SAMD12: variants seen among roughly 807,000 people sequenced by gnomAD.
SAMD12 encodes sterile alpha motif domain containing 12, also known as sterile alpha motif domain-containing protein 12.
In SAMD12, 9 loss-of-function variants were observed where a neutral mutation model predicts 15.0. That is an observed-to-expected ratio of 0.60 (90% CI 0.36 to 1.05). SAMD12 has a LOEUF of 1.05. SAMD12 is among the 50% of genes least tolerant of loss of function. The pLI is 0.01. For missense variants in SAMD12, 230 were observed against 234.2 expected, an observed-to-expected ratio of 0.98 and a Z score of 0.12; for synonymous variants, 86 against 90.1, an observed-to-expected ratio of 0.96 and a Z score of 0.25.
rs56758435 is a variant in SAMD12 at position 118,263,674 on chromosome 8, G to T, written c.434-65942C>A. On this transcript the variant is annotated intron_variant, in intron 4 of 4. Coordinates refer to the SAMD12 transcript ENST00000409003. ...TGGTGAAGGCCGAGCAATTACAGAA[G>T]AAAGACTCCAACAAACATGAGAGGA... Among the ~76,000 whole-genome samples, 1,303 of 152,192 alleles carry T rather than the reference G, an allele frequency of 8.6e-3. 18 individuals carry two copies. The highest frequency in any genetic ancestry group is 0.029 in the African/African-American group (1,225 of 41,560).
intron 2 of SAMD12, among the ~76,000 whole-genome samples, chr8:118,469,319 A>G (rs1823691644): frequency 6.7e-6 from 1 of 148,602 alleles, no homozygotes; most frequent in African/African-American, 2.5e-5. Flanking sequence ...TCCATTTCAT[A>G]AATGGAGTTC....
intron 4 of SAMD12, chr8:118,284,258 T>C (rs1433975896): frequency 2.2e-6 from 1 of 455,900 alleles, no homozygotes; most frequent in Admixed American, 2.4e-5. Context: ...AGCCAATCCC[T>C]TTGTCTTTTA....
At position 118,582,532 on chromosome 8, in the gene SAMD12, T is replaced by A. The variant is rs185637665; in HGVS notation, c.14-1639A>T. Reference sequence around the variant, plus strand: ...TTTATGAATTTCTCTTCTCCTAGTCTCTAAGCTTCCTATTTAGTGGTACAC... The same window carrying A: ...TTTATGAATTTCTCTTCTCCTAGTCACTAAGCTTCCTATTTAGTGGTACAC... On this transcript the variant is annotated intron_variant, in intron 1 of 3. Coordinates refer to ENST00000314727, the MANE Select transcript of SAMD12 (RefSeq NM_207506.3). Among the ~76,000 whole-genome samples, 16 of 152,358 alleles carry A rather than the reference T, an allele frequency of 1.1e-4. No individual in the cohort carries two copies. The East Asian group carries it at 2.9e-3, about 28-fold the overall frequency.
intron 3 of SAMD12, among the ~76,000 whole-genome samples, chr8:118,399,502 G>A (rs1024577326): frequency 1.3e-5 from 2 of 152,042 alleles, no homozygotes; most frequent in Admixed American, 1.3e-4. Context: ...TGCATCCAAC[G>A]ACTGGTAGAT....
At chr8:118,514,757 C>T (rs1369445170) in intron 2 of SAMD12, among the ~76,000 whole-genome samples, 1 of 152,208 alleles carries the variant, frequency 6.6e-6, no homozygotes, top group Non-Finnish European at 1.5e-5. Flanking sequence ...AGAGAAAAAA[C>T]TTAACATTGG....
chr8:118,284,155 T>C (rs1270799326), intron 4 of SAMD12: 1 of 397,222 alleles, frequency 2.5e-6, no homozygotes, highest in Non-Finnish European at 4.9e-6. Flanking sequence ...GGATCCATTA[T>C]GATAACCCCG....
the SAMD12 span, among the ~76,000 whole-genome samples, chr8:118,145,899 A>T: frequency 6.6e-6 from 1 of 152,246 alleles, no homozygotes; most frequent in African/African-American, 2.4e-5. Context: ...AAGCTGAGGC[A>T]GAGCTTGAAG....
intron 2 of SAMD12, among the ~76,000 whole-genome samples, chr8:118,463,328 G>T (rs73710217): frequency 0.012 from 1,836 of 152,238 alleles, 27 homozygotes; most frequent in African/African-American, 0.03. Flanking sequence ...ATGGTAAGAC[G>T]CCATGACTCA....
At chr8:118,275,491 A>G (rs1813450619) in intron 4 of SAMD12, among the ~76,000 whole-genome samples, 1 of 152,198 alleles carries the variant, frequency 6.6e-6, no homozygotes, top group African/African-American at 2.4e-5. Flanking sequence ...AATAATTTAC[A>G]TGCTTTGGAA....
rs142124681 is a variant in SAMD12 at position 118,299,773 on chromosome 8, C to A, written c.433+79787G>T. On this transcript the variant is annotated intron_variant, in intron 4 of 4. Coordinates refer to the SAMD12 transcript ENST00000409003. ...GATCTTAGCAAGAATTGGCAAAAAT[C>A]TCTTCATGGCCTACAGACATATGGC... is the stretch of plus-strand genomic sequence containing the variant. Among the ~76,000 whole-genome samples the A allele has an allele frequency of 5.1e-3, 771 of 152,256 alleles. 8 individuals carry two copies. Among genetic ancestry groups the A allele is most frequent in the South Asian group, 0.015 (70 of 4,818 alleles).
chr8:118,555,988 T>C (rs1370939448), intron 2 of SAMD12, among the ~76,000 whole-genome samples: 1 of 152,204 alleles, frequency 6.6e-6, no homozygotes, highest in Non-Finnish European at 1.5e-5. Flanking sequence ...TTATCGTTAG[T>C]GATGTTCTAT....
At chr8:118,371,343 C>T in intron 4 of SAMD12, among the ~76,000 whole-genome samples, 1 of 152,092 alleles carries the variant, frequency 6.6e-6, no homozygotes, top group East Asian at 1.9e-4. Context: ...AGGACAGAGA[C>T]TTCAGATCAA....
At chr8:118,481,322 AG>A (rs1461335902) in intron 2 of SAMD12, among the ~76,000 whole-genome samples, 1 of 152,200 alleles carries the variant, frequency 6.6e-6, no homozygotes, top group Non-Finnish European at 1.5e-5. Flanking sequence ...ATGAAAACAC[AG>A]GCCATCTCTA....
chr8:118,305,770 C>A (rs977228670), intron 4 of SAMD12, among the ~76,000 whole-genome samples: 4 of 152,096 alleles, frequency 2.6e-5, no homozygotes, highest in Admixed American at 2.0e-4. Context: ...GCTTTTAGAT[C>A]AGTGCTTTTT....
chr8:118,479,050 C>T (rs1054700583), intron 2 of SAMD12, among the ~76,000 whole-genome samples: 2 of 148,652 alleles, frequency 1.3e-5, no homozygotes, highest in East Asian at 1.9e-4. Context: ...GCACAAAACT[C>T]GGCATTGGCT....
intron 4 of SAMD12, among the ~76,000 whole-genome samples, chr8:118,292,755 C>CATGG (rs1395965859): frequency 5.9e-5 from 9 of 152,074 alleles, no homozygotes; most frequent in Admixed American, 5.9e-4. Flanking sequence ...TTGGTAGGGA[C>CATGG]ATGGATGAAA....
exon 5 of SAMD12, chr8:118,189,749 A>G (rs1418052242): frequency 6.6e-6 from 1 of 152,142 alleles, no homozygotes; most frequent in Admixed American, 6.6e-5. Context: ...GCTGCTGAAG[A>G]TATGGAAATC....
chr8:118,511,374 G>T (rs1825075022), intron 2 of SAMD12, among the ~76,000 whole-genome samples: 1 of 151,908 alleles, frequency 6.6e-6, no homozygotes, highest in Non-Finnish European at 1.5e-5. Context: ...CACGGTTTAT[G>T]GTATTATTTT....
At chr8:118,436,936 A>G (rs1193136093) in intron 3 of SAMD12, among the ~76,000 whole-genome samples, 1 of 152,200 alleles carries the variant, frequency 6.6e-6, no homozygotes, top group Non-Finnish European at 1.5e-5. Context: ...ACAAGCTGCC[A>G]TGCACCCAGC....
Sources: allele counts gnomAD v4.1 joint callset (sites outside exome capture counted in the v4.1 genomes callset), GRCh38; gene constraint gnomAD v4.1.1; transcripts MANE v1.5; gene names NCBI Gene and HGNC (gene_info 2026-07-23, HGNC 2026-07-21).